PITPNM1: variants seen among roughly 807,000 people sequenced by gnomAD.
The protein encoded by PITPNM1 is phosphatidylinositol transfer protein membrane associated 1.
Under a neutral mutation model 133.3 loss-of-function variants are expected in PITPNM1, and 74 were observed. The ratio of observed to expected loss-of-function variants is 0.56; its 90% CI spans 0.46 to 0.67. The LOEUF is 0.67. Among genes scored for constraint, PITPNM1 ranks in the 30% least tolerant of loss-of-function variants. PITPNM1 has a pLI of 0.00. For missense variants in PITPNM1, 1,398 were observed against 1,739.5 expected (o/e 0.80, Z 3.49); for synonymous variants, 738 against 741.4 (o/e 1.00, Z 0.08).
At chr11:67,497,035 C>T (rs1866142899) in intron 14 of PITPNM1, 196 bp downstream of exon 14, 2 of 488,068 alleles carry the variant, frequency 4.1e-6, no homozygotes, top group South Asian at 4.5e-5. Flanking sequence ...TGTGAAGCTC[C>T]TCCCAGTGGC....
chr11:67,493,410 C>G lies in PITPNM1; in HGVS notation c.3342G>C (p.Glu1114Asp). 6.3e-7 allele frequency: 1 copy of G among 1,582,838 alleles called. No homozygotes were observed. Among genetic ancestry groups the G allele is most frequent in the Non-Finnish European group, 8.6e-7 (1 of 1,160,380 alleles). Residue 1114 changes from glutamate (E) to aspartate (D), a missense_variant and splice_region_variant, in exon 22 of 24, where the codon GAG (glutamate) becomes GAC (aspartate). Glu to Asp is a conservative substitution (Grantham distance 45). Around this residue, in one of 5 missense-constraint regions of PITPNM1, gnomAD observed 233 missense variants for 378.0 expected, o/e 0.62. Transcript: ENST00000356404. Reference protein sequence around the residue: ...KAMFLQSLVQEVELNIVAGYG... With the variant: ...KAMFLQSLVQDVELNIVAGYG... ...CCGGAGCCTCCCCCAGCCGCCGCAC[C>G]TCCTGCACCAGGCTCTGCAGAAACA...
chr11:67,506,222 G>A (rs1866511478), upstream of PITPNM1: 1 of 163,596 alleles, frequency 6.1e-6, no homozygotes, highest in Non-Finnish European at 1.3e-5. Flanking sequence ...CAATCCAGAG[G>A]AAGCGCCCTC....
chr11:67,502,547 C>T lies in PITPNM1; in HGVS notation c.250G>A (p.Val84Ile). 2 of 1,613,736 alleles carry T rather than the reference C, an allele frequency of 1.2e-6. No individual in the cohort carries two copies. Among genetic ancestry groups the T allele is most frequent in the African/African-American group, 2.7e-5 (2 of 75,050 alleles). The part of the protein sequence containing the change: ...RALLPKAALQ[V>I]EEESWNAYPY... Reference sequence around the variant, plus strand: ...TAGGCATTCCAGGATTCCTCTTCTACCTGCAGGGCAGCCTTGGGCAGCAGT... The same window carrying T: ...TAGGCATTCCAGGATTCCTCTTCTATCTGCAGGGCAGCCTTGGGCAGCAGT... Residue 84 changes from valine to isoleucine, a missense_variant, in exon 3 of 24, where the codon GTA becomes ATA. By Grantham distance (29) the Val-to-Ile change is conservative. This residue lies in a region of PITPNM1 where 274 missense variants were observed against 360.7 expected (regional missense o/e 0.76). Transcript: ENST00000356404. The surrounding 1 kb of genome is among the most constrained non-coding windows in gnomAD (Gnocchi z 5.9).
chr11:67,499,031 CGGAGAGGACCA>C, intron 8 of PITPNM1, 30 bp from the exon 9 acceptor site: 3 of 1,591,564 alleles, frequency 1.9e-6, no homozygotes, highest in Non-Finnish European at 2.6e-6. Flanking sequence ...GTGAGAGGGA[CGGAGAGGACCA>C]CTGGGATCCC....
chr11:67,502,283 A>C lies in PITPNM1; in HGVS notation c.415+9T>G, dbSNP rs1565196272. 6.2e-7 allele frequency: 1 copy of C among 1,612,246 alleles called. No homozygotes were observed. The highest frequency in any genetic ancestry group is 1.7e-4 in the Middle Eastern group (1 of 6,056). Reference sequence around the variant, plus strand: ...GGCGCCAGGGTCCCCCCATAGCTCCAGGCCTCACCCAGGATGCGCTGTCTC... The same window carrying C: ...GGCGCCAGGGTCCCCCCATAGCTCCCGGCCTCACCCAGGATGCGCTGTCTC... On this transcript the variant is annotated intron_variant, in intron 4 of 23. Transcript: ENST00000356404. The surrounding 1 kb of genome is among the most constrained non-coding windows in gnomAD (Gnocchi z 5.9).
Position 67,492,101 on chromosome 11 carries a change from T to G in PITPNM1, c.3667A>C (p.Thr1223Pro), listed in dbSNP as rs995750452. The change falls in exon 24 of 24, where the codon ACA (threonine) becomes CCA (proline). Residue 1223 changes from threonine to proline, a missense_variant. By Grantham distance (38) the Thr-to-Pro change is conservative. This residue lies in a region of PITPNM1 where 122 missense variants were observed against 123.3 expected (regional missense o/e 0.99). Coordinates refer to ENST00000356404, the MANE Select transcript of PITPNM1 (RefSeq NM_004910.3). ...PSQAEREGPG[T>P]PPTTLARGKA... ...CCCCGTGCCAGGGTGGTGGGTGGTGTTCCCGGGCCCTCACGCTCCGCCTGG... is the reference window on the plus strand; with the variant it reads ...CCCCGTGCCAGGGTGGTGGGTGGTGGTCCCGGGCCCTCACGCTCCGCCTGG... 6.2e-7 allele frequency: 1 copy of G among 1,612,406 alleles called. No homozygotes were observed.
rs1365563214 is a variant in PITPNM1 at position 67,500,086 on chromosome 11, C to T, written c.967+9G>A. On this transcript the variant is annotated intron_variant, in intron 6 of 23. Coordinates refer to ENST00000356404, the MANE Select transcript of PITPNM1 (RefSeq NM_004910.3). ...GGCCGTTCCTCCCATCCCTGTGCCC[C>T]AGCCTCACCTCCATGTTGGGATGAG... 1 of 1,598,768 alleles carries T rather than the reference C, an allele frequency of 6.3e-7. No homozygotes were observed. Among genetic ancestry groups the T allele is most frequent in the Admixed American group, 1.7e-5 (1 of 59,688 alleles).
Position 67,504,583 on chromosome 11 carries a change from AGCCCCGGG to A in PITPNM1, c.-41-370_-41-363del, listed in dbSNP as rs1866437335. The A allele has an allele frequency of 6.6e-6, 1 of 151,950 alleles. No individual in the cohort carries two copies. The highest frequency in any genetic ancestry group is 1.5e-5 in the Non-Finnish European group (1 of 67,976). 9.4% of individuals were successfully genotyped at this position (151,950 alleles called of 1,614,324 possible). A position where few individuals can be genotyped will look rare whatever the true frequency, so the allele number is the denominator to read the frequency against. ...GGCATCCCTCTGGGCGCGCCCCCGAAGCCCCGGGGCCCCTCCTTCCGGGCCCGCCTTCC... is the reference window on the plus strand; with the variant it reads ...GGCATCCCTCTGGGCGCGCCCCCGAAGCCCCTCCTTCCGGGCCCGCCTTCC... On this transcript the variant is annotated intron_variant, in intron 1 of 23. Coordinates refer to ENST00000356404, the MANE Select transcript of PITPNM1 (RefSeq NM_004910.3). This position sits in a 1 kb window ranked among gnomAD's most constrained non-coding sequence, Gnocchi z 5.4.
In PITPNM1 at chr11:67,491,924, G is replaced by A; in HGVS notation, c.*109C>T. On this transcript the variant is annotated 3_prime_UTR_variant, in exon 24 of 24. Coordinates refer to ENST00000356404, the MANE Select transcript of PITPNM1 (RefSeq NM_004910.3). The stretch of plus-strand genomic sequence containing the variant: ...CACGGAGATATAGGGTGTGGGGCTG[G>A]GGGGGCCAGCGCTGGGGCCAAAAGT... The A allele has an allele frequency of 4.0e-6, 5 of 1,245,688 alleles. No homozygotes were observed. Among genetic ancestry groups the A allele is most frequent in the Non-Finnish European group, 4.5e-6 (4 of 895,882 alleles). The allele number at this position is 1,245,688 out of a possible 1,614,324, so 77.2% of individuals were successfully genotyped here. A position where few individuals can be genotyped will look rare whatever the true frequency, so the allele number is the denominator to read the frequency against.
At position 67,498,968 on chromosome 11, in the gene PITPNM1, T is replaced by A. The variant is rs141637904; in HGVS notation, c.1205A>T (p.Asp402Val). The change falls in exon 9 of 24, where the codon GAT becomes GTT. Residue 402 changes from aspartate (D) to valine (V), a missense_variant. By Grantham distance (152) the Asp-to-Val change is radical (BLOSUM62 -3). Around this residue, in one of 5 missense-constraint regions of PITPNM1, gnomAD observed 574 missense variants for 698.7 expected, o/e 0.82. Transcript: ENST00000356404. The surrounding 1 kb of genome is among the most constrained non-coding windows in gnomAD (Gnocchi z 5.7). The part of the protein sequence containing the change: ...PGAEAAKGIE[D>V]GAQAPRDSEG... The stretch of plus-strand genomic sequence containing the variant: ...TGAGTCCCTGGGTGCTTGGGCCCCA[T>A]CCTCAATGCCTTTAGCTGCCTCGGC... 28 of 1,612,598 alleles carry A rather than the reference T, an allele frequency of 1.7e-5. No individual in the cohort carries two copies. Among genetic ancestry groups the A allele is most frequent in the South Asian group, 2.2e-5 (2 of 91,064 alleles).
chr11:67,502,828 T>C lies in PITPNM1; in HGVS notation c.79-110A>G, dbSNP rs1247365950. 25 of 1,095,858 alleles carry C rather than the reference T, an allele frequency of 2.3e-5. No homozygotes were observed. In the East Asian group the frequency reaches 6.3e-4, roughly 28 times the overall value. 67.9% of individuals were successfully genotyped at this position (1,095,858 alleles called of 1,614,324 possible). On this transcript the variant is annotated intron_variant, in intron 2 of 23. Transcript: ENST00000356404. The surrounding 1 kb of genome is among the most constrained non-coding windows in gnomAD (Gnocchi z 5.9). ...CTCTGGGGCCCTGGTCCCAGCCTTT[T>C]CAACTCCCTGAAACCAGACCCCGCC...
Position 67,498,098 on chromosome 11 carries a change from G to A in PITPNM1, c.1674+35C>T. 1 of 1,608,970 alleles carries A rather than the reference G, an allele frequency of 6.2e-7. No homozygotes were observed. The highest frequency in any genetic ancestry group is 8.5e-7 in the Non-Finnish European group (1 of 1,178,180). ...GCCAGACTACAGTGGGGGCTGCAGT[G>A]GAGGGCAGCAGATGGACTGTCCCTA... On this transcript the variant is annotated intron_variant, in intron 11 of 23. Coordinates refer to ENST00000356404, the MANE Select transcript of PITPNM1 (RefSeq NM_004910.3). The surrounding 1 kb of genome is among the most constrained non-coding windows in gnomAD (Gnocchi z 5.7).
Position 67,500,286 on chromosome 11 carries a change from C to A in PITPNM1, c.776G>T (p.Cys259Phe), listed in dbSNP as rs1427571623. 6.2e-7 allele frequency: 1 copy of A among 1,610,374 alleles called. No individual in the cohort carries two copies. The highest frequency in any genetic ancestry group is 8.5e-7 in the Non-Finnish European group (1 of 1,179,866). Residue 259 changes from cysteine (C) to phenylalanine (F), a missense_variant, in exon 6 of 24, where the codon TGC becomes TTC. Physicochemically the swap from Cys to Phe is radical, Grantham distance 205 (BLOSUM62 -2). Transcript: ENST00000356404. Reference sequence around the variant, plus strand: ...CTCGGACCCCTCACTGCCTGTGTTGCACTTGGCCATGCGCTGGGCCAGCAT... The same window carrying A: ...CTCGGACCCCTCACTGCCTGTGTTGAACTTGGCCATGCGCTGGGCCAGCAT... Reference protein sequence around the residue: ...ARMLAQRMAKCNTGSEGSEAQ... With the variant: ...ARMLAQRMAKFNTGSEGSEAQ...
In PITPNM1 at chr11:67,493,974, GA is replaced by G; in HGVS notation, c.2955del (p.Pro987GlnfsTer27). 6.2e-7 allele frequency: 1 copy of G among 1,611,674 alleles called. No homozygotes were observed. The highest frequency in any genetic ancestry group is 8.5e-7 in the Non-Finnish European group (1 of 1,179,400). The part of the protein sequence containing the change: ...TNSSGRLTFP[V>X]PPERALGIGV... ...CCAATGCCCAGCGCGCGTTCTGGGG[GA>G]ACTGGGAAGGTGAGGCGGCCCGAGC... On this transcript the variant is annotated frameshift_variant, in exon 20 of 24. Coordinates refer to ENST00000356404, the MANE Select transcript of PITPNM1 (RefSeq NM_004910.3). LOFTEE classifies it high-confidence loss of function.
rs765538466 is a variant in PITPNM1, at chr11:67,495,571, A to G, written c.2349T>C (p.Phe783=). The change falls in exon 16 of 24, where the codon TTT becomes TTC. Residue 783 remains phenylalanine, a synonymous_variant. Transcript: ENST00000356404. ...ADTLQTHSSL[F]LEELEMLVPS... ...GCACCAGCATCTCCAGCTCCTCCAGAAAGAGGCTGGAGTGCGTCTGCAGAG... is the reference window on the plus strand; with the variant it reads ...GCACCAGCATCTCCAGCTCCTCCAGGAAGAGGCTGGAGTGCGTCTGCAGAG... 2 of 1,585,608 alleles carry G rather than the reference A, an allele frequency of 1.3e-6. No homozygotes were observed. The highest frequency in any genetic ancestry group is 1.7e-6 in the Non-Finnish European group (2 of 1,169,832).
chr11:67,498,921 G>C lies in PITPNM1; in HGVS notation c.1233+19C>G, dbSNP rs192293629. ...GTGAGTAGGGGGAGCTTTGACATGG[G>C]GTGGCTGACCATACTCGCCTCTGAG... On this transcript the variant is annotated intron_variant, in intron 9 of 23. Coordinates refer to ENST00000356404, the MANE Select transcript of PITPNM1 (RefSeq NM_004910.3). This position sits in a 1 kb window ranked among gnomAD's most constrained non-coding sequence, Gnocchi z 5.7. The C allele has an allele frequency of 1.1e-3, 1,748 of 1,612,212 alleles. 7 individuals carry two copies. In the Middle Eastern group the frequency reaches 0.022, roughly 20 times the overall value.
Position 67,500,153 on chromosome 11 carries a change from G to A in PITPNM1, c.909C>T (p.Ala303=). 6.3e-7 allele frequency: 1 copy of A among 1,593,890 alleles called. No homozygotes were observed. Residue 303 remains alanine (A), a synonymous_variant, in exon 6 of 24, where the codon GCC becomes GCT. Coordinates refer to ENST00000356404, the MANE Select transcript of PITPNM1 (RefSeq NM_004910.3). ...APPGPDASPD[A]SFGKQWSSSS... ...ATGAGGACCACTGCTTCCCAAAGCT[G>A]GCATCGGGGGAGGCATCTGGGCCTG... is the stretch of plus-strand genomic sequence containing the variant.
In PITPNM1 at chr11:67,501,568, G is replaced by A. The variant is rs139069198; in HGVS notation, c.640+294C>T. The stretch of plus-strand genomic sequence containing the variant: ...GTTAGAGCCGGTGACCTTCCTGAGT[G>A]TCTCTAAGTCTCATCTAACTCATAG... On this transcript the variant is annotated intron_variant, in intron 5 of 23. Coordinates refer to ENST00000356404, the MANE Select transcript of PITPNM1 (RefSeq NM_004910.3). Among the ~76,000 whole-genome samples the A allele has an allele frequency of 4.6e-5, 7 of 152,328 alleles. No individual in the cohort carries two copies. The East Asian group carries it at 1.3e-3, about 29-fold the overall frequency.
intron 5 of PITPNM1, among the ~76,000 whole-genome samples, chr11:67,501,451 G>C: frequency 6.6e-6 from 1 of 152,168 alleles, no homozygotes; most frequent in East Asian, 1.9e-4. Context: ...GCCAAAGGCT[G>C]GAACACTAGA....
Sources: allele counts gnomAD v4.1 joint callset (sites outside exome capture counted in the v4.1 genomes callset), GRCh38; gene constraint gnomAD v4.1.1; regional missense constraint gnomAD v4.1.1; non-coding constraint Gnocchi (gnomAD v3.1); transcripts MANE v1.5; gene names NCBI Gene and HGNC (gene_info 2026-07-23, HGNC 2026-07-21).